FGFR2: variants seen among roughly 807,000 people sequenced by gnomAD.
The protein encoded by FGFR2 is BEK fibroblast growth factor receptor.
FGFR2 carries 19 observed loss-of-function variants against 95.9 expected under a neutral mutation model. The ratio of observed to expected loss-of-function variants is 0.20; its 90% CI spans 0.14 to 0.29. FGFR2 has a LOEUF of 0.29. Ranked by LOEUF, FGFR2 falls within the 10% of genes least tolerant of loss-of-function variation. The pLI is 1.00. For missense variants in FGFR2, 707 were observed against 1,056.9 expected (o/e 0.67, Z 4.59); for synonymous variants, 392 against 393.3 (o/e 1.00, Z 0.04).
intron 5 of FGFR2, among the ~76,000 whole-genome samples, chr10:121,551,046 C>T (rs570297343): frequency 6.6e-6 from 1 of 152,152 alleles, no homozygotes; most frequent in South Asian, 2.1e-4. Flanking sequence ...CGGTGAAACC[C>T]CGTCTCTGCT....
chr10:121,557,390 C>A (rs915591303), intron 4 of FGFR2, among the ~76,000 whole-genome samples: 1 of 152,154 alleles, frequency 6.6e-6, no homozygotes, highest in African/African-American at 2.4e-5. Flanking sequence ...CTCACTGCAG[C>A]CTTGACCTCC....
intron 6 of FGFR2, among the ~76,000 whole-genome samples, chr10:121,529,006 A>T (rs1851748830): frequency 6.6e-6 from 1 of 152,184 alleles, no homozygotes; most frequent in African/African-American, 2.4e-5. Flanking sequence ...AGCTCACTGG[A>T]ACCTCTGCCT....
At chr10:121,508,842 T>C (rs1344317160) in intron 9 of FGFR2, among the ~76,000 whole-genome samples, 1 of 152,258 alleles carries the variant, frequency 6.6e-6, no homozygotes, top group Admixed American at 6.5e-5. Flanking sequence ...ATCTTAATTT[T>C]ACCTCCATGC....
At chr10:121,551,837 G>A (rs1036308230) in intron 4 of FGFR2, among the ~76,000 whole-genome samples, 5 of 152,052 alleles carry the variant, frequency 3.3e-5, no homozygotes, top group African/African-American at 9.7e-5. Context: ...ATTTTGGATT[G>A]CCACACCTAT....
intron 2 of FGFR2, among the ~76,000 whole-genome samples, chr10:121,592,141 T>C (rs1349678517): frequency 6.6e-6 from 1 of 152,204 alleles, no homozygotes; most frequent in Non-Finnish European, 1.5e-5. Flanking sequence ...CCAGCTCAGC[T>C]TCCTCAGTTT....
rs116169268 is a variant in FGFR2, at chr10:121,590,590, C to T, written c.109+3119G>A. On this transcript the variant is annotated intron_variant, in intron 2 of 17. Coordinates refer to ENST00000358487, the MANE Select transcript of FGFR2 (RefSeq NM_000141.5). ...TCTTCTAGAGATTATTTTCTTAAGT[C>T]AATTGAGTGGGCCCAACCCCACTGC... 7.2e-3 allele frequency among the ~76,000 whole-genome samples: 1,095 copies of T among 152,218 alleles called. 14 individuals carry two copies. The highest frequency in any genetic ancestry group is 0.026 in the African/African-American group (1,060 of 41,528).
At chr10:121,550,803 C>T (rs532318892) in intron 5 of FGFR2, among the ~76,000 whole-genome samples, 11 of 152,260 alleles carry the variant, frequency 7.2e-5, no homozygotes, top group South Asian at 6.2e-4. Context: ...TAAAATTACA[C>T]GCAAGTCCGG....
chr10:121,515,916 T>C (rs527549990), intron 8 of FGFR2, among the ~76,000 whole-genome samples: 3 of 151,256 alleles, frequency 2.0e-5, no homozygotes, highest in Admixed American at 6.6e-5. Flanking sequence ...AATACACAGA[T>C]TGAATTGCTT....
At chr10:121,505,492 C>T (rs961740389) in intron 9 of FGFR2, among the ~76,000 whole-genome samples, 2 of 152,120 alleles carry the variant, frequency 1.3e-5, no homozygotes, top group Non-Finnish European at 2.9e-5. Context: ...GTTTTAAAAG[C>T]GGGAACTAAA....
intron 6 of FGFR2, among the ~76,000 whole-genome samples, chr10:121,528,796 G>A (rs574082469): frequency 5.3e-5 from 8 of 152,256 alleles, no homozygotes; most frequent in East Asian, 3.9e-4. Flanking sequence ...CAATCCAAAC[G>A]CCACTGCTCT....
chr10:121,585,538 T>G (rs889472944), intron 2 of FGFR2, among the ~76,000 whole-genome samples: 1 of 152,218 alleles, frequency 6.6e-6, no homozygotes, highest in Non-Finnish European at 1.5e-5. Context: ...CCCTTCAAGA[T>G]AGATACTATC....
At chr10:121,572,974 A>G (rs1449894193) in intron 2 of FGFR2, among the ~76,000 whole-genome samples, 1 of 152,232 alleles carries the variant, frequency 6.6e-6, no homozygotes, top group African/African-American at 2.4e-5. Flanking sequence ...GACTTATGTG[A>G]CTTCACTGCA....
intron 5 of FGFR2, among the ~76,000 whole-genome samples, chr10:121,543,774 A>G (rs1854098829): frequency 6.6e-6 from 1 of 152,044 alleles, no homozygotes; most frequent in African/African-American, 2.4e-5. Context: ...GGGCAATCTG[A>G]TCCTCGGGAC....
chr10:121,501,093 C>G, intron 10 of FGFR2, 146 bp from the exon 11 acceptor site: 1 of 1,101,418 alleles, frequency 9.1e-7, no homozygotes, highest in Non-Finnish European at 1.3e-6. Flanking sequence ...TTAGGGTACA[C>G]ACGCGCCTGA....
intron 6 of FGFR2, among the ~76,000 whole-genome samples, chr10:121,521,523 C>T (rs1283546212): frequency 6.7e-6 from 1 of 148,616 alleles, no homozygotes; most frequent in Non-Finnish European, 1.5e-5. Context: ...ACACAAATGG[C>T]CACTAGGTGT....
At chr10:121,504,247 T>C (rs949002259) in intron 9 of FGFR2, among the ~76,000 whole-genome samples, 3 of 152,222 alleles carry the variant, frequency 2.0e-5, no homozygotes, top group African/African-American at 4.8e-5. Flanking sequence ...CTTGAGGACA[T>C]GCAGACAGTC....
chr10:121,550,040 C>T (rs1332913816), intron 5 of FGFR2, among the ~76,000 whole-genome samples: 1 of 152,184 alleles, frequency 6.6e-6, no homozygotes, highest in African/African-American at 2.4e-5. Flanking sequence ...TTCCTTCAGT[C>T]CTTTTCATAT....
chr10:121,551,049 T>C (rs539363188), intron 5 of FGFR2, among the ~76,000 whole-genome samples: 1 of 152,108 alleles, frequency 6.6e-6, no homozygotes, highest in South Asian at 2.1e-4. Context: ...TGAAACCCCG[T>C]CTCTGCTACA....
intron 2 of FGFR2, among the ~76,000 whole-genome samples, chr10:121,568,953 G>A (rs1258776106): frequency 1.3e-5 from 2 of 152,074 alleles, no homozygotes; most frequent in Non-Finnish European, 2.9e-5. Context: ...GAGTTCCCAC[G>A]CCTCTCCATT....
Sources: gnomAD v4.1 joint callset for allele counts (sites outside exome capture counted in the v4.1 genomes callset) on GRCh38, gnomAD v4.1.1 for gene constraint, MANE v1.5 for transcripts, NCBI Gene and HGNC (gene_info 2026-07-23, HGNC 2026-07-21) for gene names.